The following INO80D variants were observed in gnomAD, a reference collection of about 807,000 sequenced individuals.
INO80D encodes the protein INO80 complex subunit D.
In INO80D, 21 loss-of-function variants were observed where a neutral mutation model predicts 87.6. That is an observed-to-expected ratio of 0.24 (90% CI 0.17 to 0.35). INO80D has a LOEUF of 0.35. Among genes scored for constraint, INO80D ranks in the 10% least tolerant of loss-of-function variants. The pLI, the probability that INO80D is intolerant of heterozygous loss-of-function variation, is 1.00. For missense variants in INO80D, 982 were observed against 1,280.7 expected (o/e 0.77, Z 3.56); for synonymous variants, 440 against 491.0 (o/e 0.90, Z 1.37).
At chr2:206,038,178 C>G (rs1185238311) in intron 5 of INO80D, among the ~76,000 whole-genome samples, 2 of 152,166 alleles carry the variant, frequency 1.3e-5, no homozygotes, top group African/African-American at 2.4e-5. Flanking sequence ...CTGACTTGAT[C>G]ACTACACAAT....
intron 6 of INO80D, among the ~76,000 whole-genome samples, chr2:206,026,215 A>C (rs1288419579): frequency 6.6e-6 from 1 of 152,054 alleles, no homozygotes; most frequent in East Asian, 1.9e-4. Context: ...TGAAATTTTA[A>C]AATTCAATTT....
chr2:206,078,061 CAAAA>C (rs71410859), intron 1 of INO80D, among the ~76,000 whole-genome samples: 24 of 63,050 alleles, frequency 3.8e-4, no homozygotes, highest in African/African-American at 1.1e-3. Flanking sequence ...GCAATGTTTA[CAAAA>C]AAAAAAAAAA....
chr2:206,055,692 G>A lies in INO80D; in HGVS notation c.964+506C>T, dbSNP rs186339610. 1.2e-4 allele frequency among the ~76,000 whole-genome samples: 18 copies of A among 152,330 alleles called. 1 individual carries two copies. The East Asian group carries it at 3.3e-3, about 28-fold the overall frequency. The stretch of plus-strand genomic sequence containing the variant: ...TTCAGCAAGTGTTACACCCTCCAGT[G>A]TTGGCCCTCTGTATCCATGGGATCC... On this transcript the variant is annotated intron_variant, in intron 4 of 10. Transcript: ENST00000403263.
intron 3 of INO80D, among the ~76,000 whole-genome samples, chr2:206,058,483 C>T (rs1689592853): frequency 6.6e-6 from 1 of 151,334 alleles, no homozygotes; most frequent in African/African-American, 2.4e-5. Flanking sequence ...GCCTGTAATC[C>T]CAGCACTTTG....
intron 1 of INO80D, among the ~76,000 whole-genome samples, 172 bp from the exon 2 acceptor site, chr2:206,063,416 G>A (rs546269983): frequency 7.9e-5 from 12 of 152,306 alleles, no homozygotes; most frequent in African/African-American, 2.2e-4. Flanking sequence ...AAAACATTAA[G>A]TTGGCTGGGC....
At chr2:206,045,779 G>A (rs1400934598) in intron 5 of INO80D, among the ~76,000 whole-genome samples, 1 of 152,008 alleles carries the variant, frequency 6.6e-6, no homozygotes, top group African/African-American at 2.4e-5. Flanking sequence ...GAAGATAGAG[G>A]TGAAGTAAAA....
intron 5 of INO80D, among the ~76,000 whole-genome samples, chr2:206,034,767 T>C (rs1199493041): frequency 6.6e-6 from 1 of 151,954 alleles, no homozygotes; most frequent in Non-Finnish European, 1.5e-5. Flanking sequence ...GAGAAAGAAA[T>C]AAAGGGCATC....
intron 4 of INO80D, among the ~76,000 whole-genome samples, chr2:206,050,058 G>A (rs1323305234): frequency 6.6e-6 from 1 of 151,950 alleles, no homozygotes; most frequent in African/African-American, 2.4e-5. Context: ...ACTTGAAGCT[G>A]GGAGGCAGAG....
At chr2:206,039,812 A>G (rs1688993903) in intron 5 of INO80D, among the ~76,000 whole-genome samples, 2 of 24,792 alleles carry the variant, frequency 8.1e-5, no homozygotes, top group African/African-American at 1.5e-4. Flanking sequence ...TCTGTCTCCA[A>G]AAAAAAAAAA....
At chr2:206,023,631 C>T (rs117738415) in intron 6 of INO80D, among the ~76,000 whole-genome samples, 4,001 of 146,778 alleles carry the variant, frequency 0.027, 96 homozygotes, top group East Asian at 0.072. Flanking sequence ...TGTGGTGAGC[C>T]AAGACTGTGT....
chr2:206,040,550 TC>T, intron 5 of INO80D: 1 of 245,328 alleles, frequency 4.1e-6, no homozygotes, highest in South Asian at 6.0e-5. Flanking sequence ...TGCCCCTACA[TC>T]CAAGCTCTCG....
At chr2:206,058,027 A>C (rs1202711434) in intron 3 of INO80D, among the ~76,000 whole-genome samples, 1 of 152,002 alleles carries the variant, frequency 6.6e-6, no homozygotes, top group Non-Finnish European at 1.5e-5. Context: ...TGTTGATGTC[A>C]TGTTTTCCTG....
chr2:206,004,554 G>A lies in INO80D; in HGVS notation c.2898C>T (p.Thr966=). The A allele has an allele frequency of 6.2e-7, 1 of 1,611,046 alleles. No homozygotes were observed. The highest frequency in any genetic ancestry group is 8.5e-7 in the Non-Finnish European group (1 of 1,178,666). The change falls in exon 11 of 11, where the codon ACC becomes ACT. Residue 966 remains threonine, a synonymous_variant. Coordinates refer to ENST00000403263, the MANE Select transcript of INO80D (RefSeq NM_017759.5). The surrounding 1 kb of genome is among the most constrained non-coding windows in gnomAD (Gnocchi z 4.9). ...ACTGAGGGAGTTGCTGCTTGGGAGA[G>A]GTGGAGGCCATTAGTTCAGCAGAAG... ...MGPSAELMAS[T]SPKQQLPQFS...
chr2:206,004,412 T>C lies in INO80D; in HGVS notation c.3040A>G (p.Thr1014Ala), dbSNP rs1392603488. Residue 1014 changes from threonine to alanine, a missense_variant, in exon 11 of 11, where the codon ACA (threonine) becomes GCA (alanine). Coordinates refer to ENST00000403263, the MANE Select transcript of INO80D (RefSeq NM_017759.5). The surrounding 1 kb of genome is among the most constrained non-coding windows in gnomAD (Gnocchi z 4.9). The stretch of plus-strand genomic sequence containing the variant: ...GGAGAAGATGCATTATTGGTACTTG[T>C]AGCTGTGGCACCTGTTACTGTGAAG... Reference protein sequence around the residue: ...TGFTVTGATATSTNNASSPFP... With the variant: ...TGFTVTGATAASTNNASSPFP... 3 of 1,603,314 alleles carry C rather than the reference T, an allele frequency of 1.9e-6. No homozygotes were observed. Among genetic ancestry groups the C allele is most frequent in the South Asian group, 1.1e-5 (1 of 88,726 alleles).
intron 4 of INO80D, among the ~76,000 whole-genome samples, chr2:206,050,151 T>A (rs1449873783): frequency 6.7e-6 from 1 of 150,022 alleles, no homozygotes; most frequent in South Asian, 2.1e-4. Flanking sequence ...AAAAAAAAAA[T>A]TTAAAAGGCT....
At chr2:206,074,753 A>G (rs1475032130) in intron 1 of INO80D, among the ~76,000 whole-genome samples, 1 of 152,180 alleles carries the variant, frequency 6.6e-6, no homozygotes, top group Non-Finnish European at 1.5e-5. Context: ...CAGCCTGACC[A>G]ACATGGAGAA....
At chr2:206,044,702 C>T (rs1353844946) in intron 5 of INO80D, among the ~76,000 whole-genome samples, 2 of 152,092 alleles carry the variant, frequency 1.3e-5, no homozygotes, top group Non-Finnish European at 2.9e-5. Flanking sequence ...CACATTGTTC[C>T]TAATCAATAG....
At chr2:206,023,182 C>T (rs986780653) in intron 6 of INO80D, among the ~76,000 whole-genome samples, 1 of 151,888 alleles carries the variant, frequency 6.6e-6, no homozygotes, top group African/African-American at 2.4e-5. Context: ...GCCTGGGCAA[C>T]AAGAGTGACA....
At chr2:206,063,743 A>C (rs2105891890) in intron 1 of INO80D, 1 of 152,306 alleles carries the variant, frequency 6.6e-6, no homozygotes, top group East Asian at 1.9e-4. Context: ...AATTGAACTA[A>C]ATAACATTTG....
Sources: gnomAD v4.1 joint callset for allele counts (sites outside exome capture counted in the v4.1 genomes callset) on GRCh38, gnomAD v4.1.1 for gene constraint, Gnocchi (gnomAD v3.1) non-coding constraint, MANE v1.5 for transcripts, NCBI Gene and HGNC (gene_info 2026-07-23, HGNC 2026-07-21) for gene names.